HPSE2: variants seen among roughly 807,000 people sequenced by gnomAD.
HPSE2 encodes heparanase 2 (inactive).
HPSE2 carries 38 observed loss-of-function variants against 60.5 expected under a neutral mutation model. The observed-to-expected ratio is 0.63, with a 90% CI of 0.48 to 0.82. The LOEUF is 0.82. Ranked by LOEUF, HPSE2 falls within the 40% of genes least tolerant of loss-of-function variation. The pLI, the probability that HPSE2 is intolerant of heterozygous loss-of-function variation, is 0.00. For synonymous variants in HPSE2, 295 were observed against 293.2 expected, an observed-to-expected ratio of 1.01 and a Z score of -0.06; for missense variants, 713 against 740.4, an observed-to-expected ratio of 0.96 and a Z score of 0.43.
intron 4 of HPSE2, among the ~76,000 whole-genome samples, chr10:98,736,213 G>GCT (rs1949354028): frequency 6.7e-6 from 1 of 149,374 alleles, no homozygotes. Context: ...CTTTTGCTTG[G>GCT]TTTTTTTTTT....
chr10:99,287,238 G>A, the HPSE2 span, among the ~76,000 whole-genome samples: 1 of 152,064 alleles, frequency 6.6e-6, no homozygotes, highest in African/African-American at 2.4e-5. Flanking sequence ...AAATGCCCAC[G>A]AAGGATCAAG....
chr10:98,713,238 G>C (rs1302879075), intron 5 of HPSE2, among the ~76,000 whole-genome samples: 1 of 151,980 alleles, frequency 6.6e-6, no homozygotes, highest in Non-Finnish European at 1.5e-5. Context: ...GCAGGCCATG[G>C]TCAAGAGATT....
At chr10:98,496,759 T>A (rs1457468717) in intron 9 of HPSE2, among the ~76,000 whole-genome samples, 1 of 152,218 alleles carries the variant, frequency 6.6e-6, no homozygotes, top group Admixed American at 6.5e-5. Context: ...TATTCTACCA[T>A]CTTTCCAGAA....
At chr10:98,782,959 C>G (rs1184850491) in intron 3 of HPSE2, among the ~76,000 whole-genome samples, 8 of 73,350 alleles carry the variant, frequency 1.1e-4, no homozygotes, top group Non-Finnish European at 1.4e-4. Context: ...TTTTATTATA[C>G]TCTAAGTTTT....
intron 3 of HPSE2, among the ~76,000 whole-genome samples, chr10:99,105,231 G>C (rs915463679): frequency 6.6e-6 from 1 of 151,976 alleles, no homozygotes; most frequent in Admixed American, 6.6e-5. Flanking sequence ...TAGTATTTAT[G>C]TGTCTGTCTT....
intron 3 of HPSE2, among the ~76,000 whole-genome samples, chr10:99,069,748 A>C (rs981741122): frequency 6.6e-6 from 1 of 151,886 alleles, no homozygotes; most frequent in African/African-American, 2.4e-5. Flanking sequence ...CAGTGTTTTC[A>C]TGTATCATCT....
intron 5 of HPSE2, among the ~76,000 whole-genome samples, chr10:98,717,489 G>A (rs1948819861): frequency 6.6e-6 from 1 of 152,074 alleles, no homozygotes; most frequent in South Asian, 2.1e-4. Context: ...TAAAGTGAGA[G>A]ACATGTAAGT....
intron 7 of HPSE2, among the ~76,000 whole-genome samples, chr10:98,629,919 GA>G (rs1033069923): frequency 2.6e-5 from 4 of 152,004 alleles, no homozygotes; most frequent in Non-Finnish European, 5.9e-5. Context: ...CTTAACTGGG[GA>G]AAAAAAGCTA....
intron 3 of HPSE2, among the ~76,000 whole-genome samples, chr10:99,104,626 G>A (rs909671040): frequency 1.5e-4 from 23 of 151,966 alleles, no homozygotes; most frequent in Non-Finnish European, 2.5e-4. Context: ...TGTTTATTGC[G>A]GCACTCTTCA....
At chr10:98,789,278 G>A (rs559589455) in intron 3 of HPSE2, among the ~76,000 whole-genome samples, 1 of 152,240 alleles carries the variant, frequency 6.6e-6, no homozygotes, top group African/African-American at 2.4e-5. Context: ...GCTAGTATGA[G>A]AGATCCAGAG....
chr10:98,630,607 CA>C (rs894188243), intron 7 of HPSE2, among the ~76,000 whole-genome samples: 3 of 151,938 alleles, frequency 2.0e-5, no homozygotes, highest in African/African-American at 7.3e-5. Context: ...AAACTTTCCT[CA>C]AAACTTCAGA....
intron 9 of HPSE2, among the ~76,000 whole-genome samples, chr10:98,542,415 G>A (rs1409351451): frequency 6.6e-6 from 1 of 152,158 alleles, no homozygotes; most frequent in Non-Finnish European, 1.5e-5. Flanking sequence ...CTAAAAAGCA[G>A]AGCGCCTCTC....
intron 3 of HPSE2, among the ~76,000 whole-genome samples, chr10:98,951,999 A>G (rs1479804134): frequency 6.6e-6 from 1 of 152,226 alleles, no homozygotes; most frequent in East Asian, 1.9e-4. Flanking sequence ...CCAAGATTCA[A>G]GCCCAGGTAG....
intron 2 of HPSE2, among the ~76,000 whole-genome samples, chr10:99,178,866 C>A (rs1242972121): frequency 6.6e-5 from 10 of 152,104 alleles, no homozygotes; most frequent in Non-Finnish European, 1.5e-4. Context: ...TGCGAAAATC[C>A]TCAATAAAAT....
chr10:99,185,620 A>G (rs534754973), intron 2 of HPSE2, among the ~76,000 whole-genome samples: 1 of 151,894 alleles, frequency 6.6e-6, no homozygotes, highest in South Asian at 2.1e-4. Flanking sequence ...TAAAAATACA[A>G]AAAATTAGCC....
rs908272889 is a variant in HPSE2, at chr10:99,029,987, C to T, written c.610+114251G>A. Reference sequence around the variant, plus strand: ...GCATCTTCCCAGACACTGGTGTCACCGCTAGACCAAGGAGCCCTTCTGGTG... The same window carrying T: ...GCATCTTCCCAGACACTGGTGTCACTGCTAGACCAAGGAGCCCTTCTGGTG... On this transcript the variant is annotated intron_variant, in intron 3 of 11. Transcript: ENST00000370552. 2.5e-3 allele frequency among the ~76,000 whole-genome samples: 383 copies of T among 152,288 alleles called. 3 individuals carry two copies. Among genetic ancestry groups the T allele is most frequent in the African/African-American group, 8.6e-3 (357 of 41,564 alleles).
intron 3 of HPSE2, among the ~76,000 whole-genome samples, chr10:98,747,604 G>A (rs750753663): frequency 6.6e-6 from 1 of 152,170 alleles, no homozygotes; most frequent in Non-Finnish European, 1.5e-5. Context: ...CTAAAAGTTT[G>A]GGAAATACTT....
rs150676246 is a variant in HPSE2 at position 98,712,163 on chromosome 10, C to T, written c.956+9494G>A. Among the ~76,000 whole-genome samples the T allele has an allele frequency of 2.6e-4, 40 of 152,074 alleles. No homozygotes were observed. In the East Asian group the frequency reaches 7.4e-3, roughly 28 times the overall value. ...AAGTGTCAAATCGAAGTCTATGTTT[C>T]AGGACTCCAGCCTCCATCTCCAATG... On this transcript the variant is annotated intron_variant, in intron 5 of 11. Coordinates refer to ENST00000370552, the MANE Select transcript of HPSE2 (RefSeq NM_021828.5).
intron 6 of HPSE2, among the ~76,000 whole-genome samples, chr10:98,660,650 A>G (rs1404377529): frequency 6.6e-6 from 1 of 152,188 alleles, no homozygotes; most frequent in Admixed American, 6.5e-5. Flanking sequence ...GCTTTCCCAT[A>G]ATGGCCCTTA....
Sources: allele counts gnomAD v4.1 joint callset (sites outside exome capture counted in the v4.1 genomes callset), GRCh38; gene constraint gnomAD v4.1.1; transcripts MANE v1.5; gene names NCBI Gene and HGNC (gene_info 2026-07-23, HGNC 2026-07-21).